The following WIPI1 variants were observed in gnomAD, a reference collection of about 807,000 sequenced individuals.
WIPI1 encodes the protein WD repeat domain, phosphoinositide interacting 1, also known as WD repeat domain phosphoinositide-interacting protein 1.
WIPI1 carries 45 observed loss-of-function variants against 55.3 expected under a neutral mutation model. The observed-to-expected ratio is 0.81, with a 90% CI of 0.64 to 1.04. WIPI1 has a LOEUF of 1.04. Ranked by LOEUF, WIPI1 falls within the 50% of genes least tolerant of loss-of-function variation. The pLI is 0.00. For missense variants in WIPI1, 445 were observed against 559.0 expected, an observed-to-expected ratio of 0.80 and a Z score of 2.06; for synonymous variants, 195 against 217.6, an observed-to-expected ratio of 0.90 and a Z score of 0.92.
At chr17:68,435,455 A>G (rs1285634057) in intron 6 of WIPI1, among the ~76,000 whole-genome samples, 165 bp downstream of exon 6, 1 of 152,254 alleles carries the variant, frequency 6.6e-6, no homozygotes, top group African/African-American at 2.4e-5. Context: ...ATGCATGAAT[A>G]TACCACACAT....
chr17:68,444,363 G>A (rs1448295105), intron 4 of WIPI1, 130 bp downstream of exon 4: 9 of 779,848 alleles, frequency 1.2e-5, no homozygotes, highest in African/African-American at 1.8e-5. Flanking sequence ...ACAAAGCTTC[G>A]AGATAAACCT....
chr17:68,450,960 C>G, intron 2 of WIPI1, 63 bp from the exon 3 acceptor site: 2 of 1,555,034 alleles, frequency 1.3e-6, no homozygotes, highest in African/African-American at 1.4e-5. Context: ...ATTCCAGCCT[C>G]CATGACACTG....
Position 68,421,793 on chromosome 17 carries a change from C to T in WIPI1, c.1321G>A (p.Gly441Ser), listed in dbSNP as rs574075478. Residue 441 changes from glycine to serine, a missense_variant, in exon 13 of 13, where the codon GGC (glycine) becomes AGC (serine). By Grantham distance (56) the Gly-to-Ser change is moderately conservative (BLOSUM62 0). Coordinates refer to ENST00000262139, the MANE Select transcript of WIPI1 (RefSeq NM_017983.7). The part of the protein sequence containing the change: ...PIILCRGNQK[G>S]KTKQS ...TCTCATCATGACTGCTTCGTTTTGC[C>T]CTTCTGATTTCCACGGCACAAGATT... 1 of 1,614,142 alleles carries T rather than the reference C, an allele frequency of 6.2e-7. No homozygotes were observed. The highest frequency in any genetic ancestry group is 1.1e-5 in the South Asian group (1 of 91,072).
At chr17:68,446,769 C>T (rs773530708) in intron 3 of WIPI1, among the ~76,000 whole-genome samples, 2 of 152,224 alleles carry the variant, frequency 1.3e-5, no homozygotes, top group Non-Finnish European at 2.9e-5. Flanking sequence ...CTCCTAGAAA[C>T]AGCATCTACA....
rs779558500 is a variant in WIPI1, at chr17:68,450,708, T to C, written c.333+20A>G. ...CCCGTTAGCAGAAGCTTTGAAACCC[T>C]GAGGGATTTCCCCACTTACTTGCCG... On this transcript the variant is annotated intron_variant, in intron 3 of 12. Transcript: ENST00000262139. 3 of 1,598,814 alleles carry C rather than the reference T, an allele frequency of 1.9e-6. No individual in the cohort carries two copies. The African/African-American group carries it at 4.0e-5, about 22-fold the overall frequency.
At chr17:68,449,159 C>T (rs886780283) in intron 3 of WIPI1, among the ~76,000 whole-genome samples, 1 of 152,152 alleles carries the variant, frequency 6.6e-6, no homozygotes, top group Admixed American at 6.5e-5. Context: ...ATGCAGCAAC[C>T]GCTCTGGGAA....
chr17:68,424,807 G>A (rs2083049511), intron 12 of WIPI1, among the ~76,000 whole-genome samples: 1 of 151,572 alleles, frequency 6.6e-6, no homozygotes, highest in African/African-American at 2.4e-5. Context: ...AACCCAGGAG[G>A]CAGAGGCTGC....
chr17:68,427,343 T>TA, intron 10 of WIPI1, 90 bp from the exon 11 acceptor site: 1 of 962,664 alleles, frequency 1.0e-6, no homozygotes, highest in Non-Finnish European at 1.6e-6. Flanking sequence ...AAGAAGCCTG[T>TA]GCTCAGCTCT....
At chr17:68,422,023 T>C in intron 12 of WIPI1, 1 of 605,786 alleles carries the variant, frequency 1.7e-6, no homozygotes. Context: ...TTCTAGAAAA[T>C]ACTGACTATA....
intron 12 of WIPI1, among the ~76,000 whole-genome samples, chr17:68,425,279 C>T (rs767762643): frequency 2.6e-5 from 4 of 152,236 alleles, no homozygotes; most frequent in Non-Finnish European, 4.4e-5. Flanking sequence ...TCAGAGCTCA[C>T]TGCAGCCTCG....
Position 68,434,612 on chromosome 17 carries a change from C to T in WIPI1, c.636G>A (p.Arg212=), listed in dbSNP as rs1464842746. Residue 212 remains arginine (R), a synonymous_variant, in exon 7 of 13, where the codon CGG becomes CGA. Coordinates refer to ENST00000262139, the MANE Select transcript of WIPI1 (RefSeq NM_017983.7). ...ASASEKGTVI[R]VFSVPDGQKL... ...TTTGCCCATCAGGGACAGAGAACACCCGGATGACTGTGCCCTGGAAAAGAA... is the reference window on the plus strand; with the variant it reads ...TTTGCCCATCAGGGACAGAGAACACTCGGATGACTGTGCCCTGGAAAAGAA... 1.2e-6 allele frequency: 2 copies of T among 1,613,902 alleles called. No individual in the cohort carries two copies. The highest frequency in any genetic ancestry group is 3.3e-5 in the Admixed American group (2 of 60,000).
chr17:68,425,093 CCCGAG>C (rs1383340890), intron 12 of WIPI1, among the ~76,000 whole-genome samples: 1 of 152,226 alleles, frequency 6.6e-6, no homozygotes, highest in Non-Finnish European at 1.5e-5. Context: ...CTCAGCCAGC[CCCGAG>C]GGCCCTAGCT....
At chr17:68,443,187 T>C (rs1397543781) in intron 4 of WIPI1, among the ~76,000 whole-genome samples, 4 of 152,210 alleles carry the variant, frequency 2.6e-5, no homozygotes, top group Non-Finnish European at 4.4e-5. Context: ...CTCAGCTCAC[T>C]GAAGCCTCCG....
intron 6 of WIPI1, 107 bp from the exon 7 acceptor site, chr17:68,434,733 G>T: frequency 9.1e-7 from 1 of 1,101,554 alleles, no homozygotes; most frequent in Non-Finnish European, 1.3e-6. Context: ...TGTCTCTGAG[G>T]AGGAAGAACA....
chr17:68,427,051 G>C, intron 11 of WIPI1, 84 bp downstream of exon 11: 1 of 1,160,094 alleles, frequency 8.6e-7, no homozygotes, highest in Non-Finnish European at 1.3e-6. Flanking sequence ...TAACAGTGAA[G>C]GGGGAAGGGG....
intron 5 of WIPI1, 103 bp from the exon 6 acceptor site, chr17:68,435,815 G>A (rs2083758054): frequency 9.6e-7 from 1 of 1,038,278 alleles, no homozygotes; most frequent in Admixed American, 2.0e-5. Flanking sequence ...CCTTTGTCCA[G>A]CTCCCTGTCT....
chr17:68,435,760 G>A (rs909579596), intron 5 of WIPI1, 48 bp from the exon 6 acceptor site: 1 of 1,556,940 alleles, frequency 6.4e-7, no homozygotes, highest in Non-Finnish European at 8.9e-7. Flanking sequence ...GAGGAGGGAA[G>A]ATGGATTTCA....
chr17:68,456,427 G>A (rs536994105), intron 1 of WIPI1, among the ~76,000 whole-genome samples: 2 of 152,172 alleles, frequency 1.3e-5, no homozygotes, highest in African/African-American at 4.8e-5. Flanking sequence ...GGTCATCCCC[G>A]CCTGATGCTC....
intron 8 of WIPI1, 105 bp from the exon 9 acceptor site, chr17:68,430,265 A>G (rs1453573232): frequency 1.4e-5 from 17 of 1,180,958 alleles, no homozygotes; most frequent in African/African-American, 3.1e-5. Flanking sequence ...CGCAGCAGGG[A>G]GAGACTGTGC....
Sources: gnomAD v4.1 joint callset for allele counts (sites outside exome capture counted in the v4.1 genomes callset) on GRCh38, gnomAD v4.1.1 for gene constraint, MANE v1.5 for transcripts, NCBI Gene and HGNC (gene_info 2026-07-23, HGNC 2026-07-21) for gene names.